The following CAPZB variants were observed in gnomAD, a reference collection of about 807,000 sequenced individuals.
CAPZB encodes capping actin protein of muscle Z-line subunit beta.
A neutral mutation model predicts 38.1 loss-of-function variants in CAPZB; 2 were observed. That is an observed-to-expected ratio of 0.05 (90% CI 0.02 to 0.17). The LOEUF (loss-of-function observed/expected upper bound fraction) is 0.17. Among genes scored for constraint, CAPZB ranks in the 10% least tolerant of loss-of-function variants. The probability of loss-of-function intolerance (pLI) is 1.00; values close to 1 mark genes in which losing one functional copy is unlikely to be tolerated. For synonymous variants in CAPZB, 107 were observed against 127.4 expected (o/e 0.84, Z 1.08); for missense variants, 161 against 334.2 (o/e 0.48, Z 4.04).
At chr1:19,390,467 G>A (rs1424089941) in intron 2 of CAPZB, among the ~76,000 whole-genome samples, 1 of 152,232 alleles carries the variant, frequency 6.6e-6, no homozygotes, top group Non-Finnish European at 1.5e-5. Flanking sequence ...GACCAATCCA[G>A]GCTGTTGGGG....
chr1:19,343,034 G>A (rs1371642723), intron 8 of CAPZB, among the ~76,000 whole-genome samples: 3 of 152,156 alleles, frequency 2.0e-5, no homozygotes, highest in Non-Finnish European at 4.4e-5. Context: ...AGAGGTCCAC[G>A]CTGGCGGTGG....
chr1:19,383,660 CTATA>C (rs1220412509), intron 3 of CAPZB, among the ~76,000 whole-genome samples: 1 of 152,142 alleles, frequency 6.6e-6, no homozygotes, highest in African/African-American at 2.4e-5. Flanking sequence ...GTATCACCAT[CTATA>C]TGCTGGGACA....
chr1:19,432,841 G>A (rs940121160), intron 1 of CAPZB, among the ~76,000 whole-genome samples: 1 of 152,210 alleles, frequency 6.6e-6, no homozygotes, highest in Non-Finnish European at 1.5e-5. Flanking sequence ...ACGACTTGTA[G>A]GGAACAACTT....
intron 1 of CAPZB, among the ~76,000 whole-genome samples, chr1:19,467,690 A>T (rs1323795613): frequency 1.3e-5 from 2 of 152,194 alleles, no homozygotes; most frequent in African/African-American, 2.4e-5. Context: ...TCCCCATTAA[A>T]TTCTCTTCCA....
chr1:19,354,611 C>A (rs540473504), intron 6 of CAPZB, among the ~76,000 whole-genome samples: 2 of 152,208 alleles, frequency 1.3e-5, no homozygotes, highest in South Asian at 4.1e-4. Flanking sequence ...TGAGGACAGG[C>A]ACTCATCAGG....
intron 1 of CAPZB, among the ~76,000 whole-genome samples, chr1:19,469,741 TACACACACAC>T (rs60330360): frequency 0.033 from 4,466 of 136,682 alleles, 104 homozygotes; most frequent in African/African-American, 0.066. Context: ...AGGAAAAGAA[TACACACACAC>T]ACACACACAC....
intron 1 of CAPZB, among the ~76,000 whole-genome samples, chr1:19,436,373 C>T (rs2094458188): frequency 6.6e-6 from 1 of 152,122 alleles, no homozygotes; most frequent in African/African-American, 2.4e-5. Context: ...TTCAAGTTAC[C>T]CTTATTTTGC....
In CAPZB at chr1:19,384,090, A is replaced by G. The variant is rs551589661; in HGVS notation, c.215+1415T>C. ...TAAGTCAGTATTAAACTTTTTAAGT[A>G]TATGACAATGTCTGTGCCATTCAAC... On this transcript the variant is annotated intron_variant, in intron 3 of 8. Coordinates refer to ENST00000264202, the MANE Select transcript of CAPZB (RefSeq NM_004930.5). 6.9e-4 allele frequency among the ~76,000 whole-genome samples: 105 copies of G among 152,360 alleles called. 1 individual carries two copies. Among genetic ancestry groups the G allele is most frequent in the African/African-American group, 2.0e-3 (83 of 41,580 alleles).
intron 1 of CAPZB, among the ~76,000 whole-genome samples, chr1:19,440,609 G>C (rs543909950): frequency 6.6e-4 from 100 of 152,168 alleles, no homozygotes; most frequent in African/African-American, 2.3e-3. Context: ...TGACCAGTGT[G>C]GGGGGAAGGG....
chr1:19,437,547 G>A lies in CAPZB; in HGVS notation c.4-17797C>T, dbSNP rs753230988. On this transcript the variant is annotated intron_variant, in intron 1 of 8. Transcript: ENST00000264202. The stretch of plus-strand genomic sequence containing the variant: ...ACAGAATGCTAAGTCCGCTAGCCTC[G>A]AAAGCCTGTGTACCTTCCACAGTCT... 3.9e-5 allele frequency among the ~76,000 whole-genome samples: 6 copies of A among 152,234 alleles called. No homozygotes were observed. The Middle Eastern group carries it at 0.01, about 259-fold the overall frequency.
chr1:19,396,627 T>C (rs2094271174), intron 2 of CAPZB, among the ~76,000 whole-genome samples: 1 of 152,086 alleles, frequency 6.6e-6, no homozygotes, highest in Non-Finnish European at 1.5e-5. Flanking sequence ...TCGGTCCAGC[T>C]TTCTCAGTCC....
intron 1 of CAPZB, chr1:19,484,846 G>C (rs892626965): frequency 7.4e-6 from 2 of 268,836 alleles, no homozygotes; most frequent in African/African-American, 4.6e-5. Context: ...AGGAGGTCCA[G>C]ATTTAAGTTC....
At chr1:19,472,566 G>C (rs1205473999) in intron 1 of CAPZB, among the ~76,000 whole-genome samples, 2 of 152,146 alleles carry the variant, frequency 1.3e-5, no homozygotes, top group African/African-American at 4.8e-5. Flanking sequence ...AAGAGGAGGA[G>C]AAAGGGAAGT....
chr1:19,364,749 G>A (rs1434062647), intron 4 of CAPZB, among the ~76,000 whole-genome samples: 1 of 152,110 alleles, frequency 6.6e-6, no homozygotes, highest in Non-Finnish European at 1.5e-5. Context: ...CCTCCCTCCA[G>A]CACTCAAGAC....
intron 7 of CAPZB, among the ~76,000 whole-genome samples, chr1:19,344,763 G>A (rs1002009645): frequency 5.3e-5 from 8 of 152,314 alleles, no homozygotes; most frequent in Admixed American, 4.6e-4. Flanking sequence ...TGTGAAACCC[G>A]AGAGCACCTC....
rs902428557 is a variant in CAPZB at position 19,357,708 on chromosome 1, C to G, written c.330-145G>C. The G allele has an allele frequency of 4.0e-5, 28 of 703,604 alleles. No individual in the cohort carries two copies. The Admixed American group carries it at 7.8e-4, about 20-fold the overall frequency. The allele number at this position is 703,604 out of a possible 1,614,324, so 43.6% of individuals were successfully genotyped here. The stretch of plus-strand genomic sequence containing the variant: ...AGCCGATCCTTGGGTGTGTTCTGAT[C>G]GTTCTGTGGCTGGGGGAGGGGGTGC... On this transcript the variant is annotated intron_variant, in intron 4 of 8. Coordinates refer to ENST00000264202, the MANE Select transcript of CAPZB (RefSeq NM_004930.5). This position sits in a 1 kb window ranked among gnomAD's most constrained non-coding sequence, Gnocchi z 4.3.
At chr1:19,429,180 T>G (rs1335146036) in intron 1 of CAPZB, among the ~76,000 whole-genome samples, 1 of 152,164 alleles carries the variant, frequency 6.6e-6, no homozygotes, top group Non-Finnish European at 1.5e-5. Flanking sequence ...TTTATCTGCT[T>G]CTTCTGCCAG....
At chr1:19,401,711 C>T (rs946089589) in intron 2 of CAPZB, among the ~76,000 whole-genome samples, 1 of 152,112 alleles carries the variant, frequency 6.6e-6, no homozygotes, top group African/African-American at 2.4e-5. Flanking sequence ...TTTAGAGCTA[C>T]GTGCTGTGTT....
chr1:19,357,389 T>C lies in CAPZB; in HGVS notation c.471+33A>G, dbSNP rs1435878338. 1 of 1,610,600 alleles carries C rather than the reference T, an allele frequency of 6.2e-7. No homozygotes were observed. Among genetic ancestry groups the C allele is most frequent in the Non-Finnish European group, 8.5e-7 (1 of 1,178,090 alleles). ...TGGTTGGTGTGCCATCTGTACTTAG[T>C]GGCCCGGGCCACCAGCTGCTGGGAG... On this transcript the variant is annotated intron_variant, in intron 5 of 8. Coordinates refer to ENST00000264202, the MANE Select transcript of CAPZB (RefSeq NM_004930.5). This position sits in a 1 kb window ranked among gnomAD's most constrained non-coding sequence, Gnocchi z 4.3.
Sources: allele counts gnomAD v4.1 joint callset (sites outside exome capture counted in the v4.1 genomes callset), GRCh38; gene constraint gnomAD v4.1.1; non-coding constraint Gnocchi (gnomAD v3.1); transcripts MANE v1.5; gene names NCBI Gene and HGNC (gene_info 2026-07-23, HGNC 2026-07-21).